The following PLCB4 variants were observed in gnomAD, a reference collection of about 807,000 sequenced individuals.
PLCB4 encodes the protein 1-phosphatidylinositol 4,5-bisphosphate phosphodiesterase beta-4.
In PLCB4, 77 loss-of-function variants were observed where a neutral mutation model predicts 178.8. The observed-to-expected ratio is 0.43, with a 90% CI of 0.36 to 0.52. The LOEUF (loss-of-function observed/expected upper bound fraction) is 0.52, where lower values mean the gene tolerates loss of function less well. PLCB4 is among the 20% of genes least tolerant of loss of function. The pLI is 0.00. For synonymous variants in PLCB4, 496 were observed against 490.8 expected (o/e 1.01, Z -0.14); for missense variants, 1,024 against 1,453.4 (o/e 0.70, Z 4.80).
At chr20:9,313,222 A>G (rs972921617) in intron 4 of PLCB4, among the ~76,000 whole-genome samples, 1 of 152,258 alleles carries the variant, frequency 6.6e-6, no homozygotes, top group Non-Finnish European at 1.5e-5. Context: ...TTCAACTGTT[A>G]TAATCAACCT....
intron 2 of PLCB4, among the ~76,000 whole-genome samples, chr20:9,165,719 C>G (rs2092958776): frequency 6.6e-6 from 1 of 151,966 alleles, no homozygotes; most frequent in Non-Finnish European, 1.5e-5. Flanking sequence ...ATTTTACATT[C>G]TCTGAGCATT....
At chr20:9,390,179 C>G (rs183108228) in intron 16 of PLCB4, among the ~76,000 whole-genome samples, 7 of 152,292 alleles carry the variant, frequency 4.6e-5, no homozygotes, top group Admixed American at 3.9e-4. Context: ...CAAACCAAAT[C>G]ATTTTAATGT....
chr20:9,125,823 T>C (rs2092098387), intron 2 of PLCB4, among the ~76,000 whole-genome samples: 1 of 152,224 alleles, frequency 6.6e-6, no homozygotes, highest in Non-Finnish European at 1.5e-5. Flanking sequence ...TTTATATTTG[T>C]TGCTTGTCTA....
intron 7 of PLCB4, among the ~76,000 whole-genome samples, chr20:9,348,285 G>A (rs938654296): frequency 6.6e-6 from 1 of 152,160 alleles, no homozygotes; most frequent in Non-Finnish European, 1.5e-5. Context: ...TACACAAGAA[G>A]GAAAGATCTG....
intron 2 of PLCB4, among the ~76,000 whole-genome samples, chr20:9,145,869 G>A (rs2092589012): frequency 6.6e-6 from 1 of 152,036 alleles, no homozygotes; most frequent in South Asian, 2.1e-4. Flanking sequence ...TTTAGGGAAA[G>A]CTTCCAGGAA....
At chr20:9,463,593 CA>C (rs145361980) in intron 35 of PLCB4, among the ~76,000 whole-genome samples, 235 of 49,716 alleles carry the variant, frequency 4.7e-3, no homozygotes, top group African/African-American at 0.012. Context: ...AAATGGAAAG[CA>C]AAAAAAAAAA....
intron 22 of PLCB4, among the ~76,000 whole-genome samples, 192 bp downstream of exon 22, chr20:9,408,250 A>G (rs2039593441): frequency 6.6e-6 from 1 of 152,194 alleles, no homozygotes; most frequent in Admixed American, 6.5e-5. Context: ...TCACGACTTC[A>G]ACCACAAGGT....
intron 2 of PLCB4, among the ~76,000 whole-genome samples, chr20:9,167,350 T>A (rs887972596): frequency 6.6e-6 from 1 of 152,228 alleles, no homozygotes; most frequent in Non-Finnish European, 1.5e-5. Context: ...AAACTTTTTT[T>A]ATAAGGCATA....
chr20:9,116,308 A>G (rs762662260), intron 2 of PLCB4, among the ~76,000 whole-genome samples: 4 of 151,912 alleles, frequency 2.6e-5, no homozygotes, highest in Admixed American at 6.6e-5. Flanking sequence ...ATGTTTTTAT[A>G]CTCTTGTCTC....
intron 28 of PLCB4, among the ~76,000 whole-genome samples, chr20:9,434,655 C>T (rs2148635561): frequency 6.6e-6 from 1 of 152,130 alleles, no homozygotes; most frequent in East Asian, 1.9e-4. Flanking sequence ...GGATTACCGG[C>T]GTGAGCTACT....
At chr20:9,268,725 G>A (rs1227739836) in intron 3 of PLCB4, among the ~76,000 whole-genome samples, 1 of 152,198 alleles carries the variant, frequency 6.6e-6, no homozygotes, top group African/African-American at 2.4e-5. Context: ...AAGACTATCA[G>A]CATCCACAAC....
intron 1 of PLCB4, among the ~76,000 whole-genome samples, chr20:9,082,976 G>A (rs1303291745): frequency 6.6e-6 from 1 of 152,156 alleles, no homozygotes; most frequent in African/African-American, 2.4e-5. Flanking sequence ...CTCAGCTACA[G>A]TATTATAAAC....
At chr20:9,101,830 C>T (rs997608465) in intron 2 of PLCB4, among the ~76,000 whole-genome samples, 2 of 150,256 alleles carry the variant, frequency 1.3e-5, no homozygotes, top group African/African-American at 4.9e-5. Flanking sequence ...AACAATTTGC[C>T]AGTTTTGTAA....
intron 9 of PLCB4, among the ~76,000 whole-genome samples, chr20:9,366,876 C>T (rs2035830240): frequency 6.6e-6 from 1 of 152,244 alleles, no homozygotes; most frequent in Non-Finnish European, 1.5e-5. Context: ...CGCAAATCAA[C>T]AAATAATAAC....
rs3037096 is a variant in PLCB4, at chr20:9,431,650, TTGTGTGTG to T, written c.2525-3884_2525-3877del. Among the ~76,000 whole-genome samples, 119 of 144,264 alleles carry T rather than the reference TTGTGTGTG, an allele frequency of 8.2e-4. 2 individuals are homozygous for T. Among genetic ancestry groups the T allele is most frequent in the Middle Eastern group, 6.8e-3 (2 of 292 alleles). 94.6% of individuals were successfully genotyped at this position (144,264 alleles called of 152,430 possible). On this transcript the variant is annotated intron_variant, in intron 28 of 39. Transcript: ENST00000378473. ...GGGGCCAATTTGTGTGTGTGTGTGTTTGTGTGTGTGTGTGTGTGTGTGTGTGTGTGTGT... is the reference window on the plus strand; with the variant it reads ...GGGGCCAATTTGTGTGTGTGTGTGTTTGTGTGTGTGTGTGTGTGTGTGTGT...
rs1171352635 is a variant in PLCB4 at position 9,362,849 on chromosome 20, A to G, written c.370-47A>G. 3 of 1,222,908 alleles carry G rather than the reference A, an allele frequency of 2.5e-6. No individual in the cohort carries two copies. In the East Asian group the frequency reaches 7.0e-5, roughly 29 times the overall value. 75.8% of individuals were successfully genotyped at this position (1,222,908 alleles called of 1,614,324 possible). A position where few individuals can be genotyped will look rare whatever the true frequency, so the allele number is the denominator to read the frequency against. On this transcript the variant is annotated intron_variant, in intron 7 of 39. Transcript: ENST00000378473. The stretch of plus-strand genomic sequence containing the variant: ...TATCTAATAAAAACTGCTCTATTTG[A>G]CTCCAGCAGATTTGCTCACCAAGAA...
At chr20:9,205,418 A>G (rs926527111) in intron 2 of PLCB4, among the ~76,000 whole-genome samples, 4 of 152,254 alleles carry the variant, frequency 2.6e-5, no homozygotes, top group African/African-American at 9.6e-5. Flanking sequence ...TTCTAAATCT[A>G]GAGCATCTGT....
At chr20:9,139,147 G>T (rs537410081) in intron 2 of PLCB4, among the ~76,000 whole-genome samples, 1 of 152,116 alleles carries the variant, frequency 6.6e-6, no homozygotes, top group African/African-American at 2.4e-5. Context: ...ATGTCTTCTT[G>T]TCTATCTGTT....
At chr20:9,291,602 G>T (rs1209202052) in intron 3 of PLCB4, among the ~76,000 whole-genome samples, 1 of 152,030 alleles carries the variant, frequency 6.6e-6, no homozygotes, top group Non-Finnish European at 1.5e-5. Context: ...CCCAAACCTC[G>T]AATTCCATGT....
Sources: allele counts gnomAD v4.1 joint callset (sites outside exome capture counted in the v4.1 genomes callset), GRCh38; gene constraint gnomAD v4.1.1; transcripts MANE v1.5; gene names NCBI Gene and HGNC (gene_info 2026-07-23, HGNC 2026-07-21).